The following TEX11 variants were observed in gnomAD, a reference collection of about 807,000 sequenced individuals.
The protein encoded by TEX11 is testis expressed 11, also known as testis-expressed protein 11.
Under a neutral mutation model 84.4 loss-of-function variants are expected in TEX11, and 7 were observed. The ratio of observed to expected loss-of-function variants is 0.08; its 90% CI spans 0.05 to 0.16. The LOEUF (loss-of-function observed/expected upper bound fraction) is 0.16. Ranked by LOEUF, TEX11 falls within the 10% of genes least tolerant of loss-of-function variation. The pLI is 1.00. For synonymous variants in TEX11, 264 were observed against 222.8 expected (o/e 1.18, Z -1.64); for missense variants, 551 against 660.5 (o/e 0.83, Z 1.82).
intron 25 of TEX11, among the ~76,000 whole-genome samples, chrX:70,567,845 T>G (rs999546046): frequency 8.9e-6 from 1 of 111,778 alleles, no homozygotes; most frequent in Non-Finnish European, 1.9e-5. Flanking sequence ...AATTTTGGAA[T>G]AGGTGTGGTG....
chrX:70,890,649 G>T (rs1353758093), intron 2 of TEX11, among the ~76,000 whole-genome samples: 3 of 112,351 alleles, frequency 2.7e-5, no homozygotes, highest in African/African-American at 9.7e-5. Context: ...GCCTAGCAGG[G>T]GGAGGGGGGT....
intron 24 of TEX11, among the ~76,000 whole-genome samples, chrX:70,593,383 A>G (rs2088961834): frequency 8.9e-6 from 1 of 111,956 alleles, no homozygotes; most frequent in Non-Finnish European, 1.9e-5. Flanking sequence ...AAAGAAGCAA[A>G]CATTAACATC....
intron 20 of TEX11, among the ~76,000 whole-genome samples, chrX:70,618,029 T>A (rs1252294466): frequency 8.9e-6 from 1 of 112,115 alleles, no homozygotes; most frequent in Non-Finnish European, 1.9e-5. Context: ...TTTGGAAGGC[T>A]ACCATCAGAT....
intron 28 of TEX11, among the ~76,000 whole-genome samples, chrX:70,536,731 T>C (rs1034399118): frequency 1.8e-5 from 2 of 112,420 alleles, no homozygotes; most frequent in Non-Finnish European, 3.8e-5. Context: ...CATTTTATAG[T>C]TTTAAAAGTA....
intron 25 of TEX11, among the ~76,000 whole-genome samples, chrX:70,573,836 A>C (rs980557270): frequency 9.0e-6 from 1 of 111,726 alleles, no homozygotes; most frequent in African/African-American, 3.3e-5. Context: ...GTAATATATA[A>C]TACATAAAAA....
chrX:70,821,336 G>A (rs763398932), intron 8 of TEX11, among the ~76,000 whole-genome samples: 4 of 112,001 alleles, frequency 3.6e-5, no homozygotes, highest in African/African-American at 1.3e-4. Context: ...CAAATCTCTT[G>A]TTGAATTGTA....
At chrX:70,720,587 T>A (rs1007486977) in intron 13 of TEX11, among the ~76,000 whole-genome samples, 1 of 110,173 alleles carries the variant, frequency 9.1e-6, no homozygotes, top group African/African-American at 3.3e-5. Flanking sequence ...TGTAAAGTTG[T>A]CATCTGTAAG....
At chrX:70,550,297 G>T (rs917319128) in intron 28 of TEX11, among the ~76,000 whole-genome samples, 3 of 111,955 alleles carry the variant, frequency 2.7e-5, no homozygotes, top group Non-Finnish European at 3.8e-5. Flanking sequence ...ACTACTACAA[G>T]AAAATATTGG....
intron 9 of TEX11, among the ~76,000 whole-genome samples, chrX:70,788,969 TATATAGAGAGAGAGAG>T (rs1286347738): frequency 4.3e-3 from 107 of 24,885 alleles, no homozygotes; most frequent in Middle Eastern, 0.021. Flanking sequence ...TATATATATA[TATATAGAGAGAGAGAG>T]AGAGAGAGAG....
At chrX:70,808,123 A>G (rs2091230767) in intron 8 of TEX11, among the ~76,000 whole-genome samples, 1 of 52,364 alleles carries the variant, frequency 1.9e-5, no homozygotes, top group Non-Finnish European at 5.3e-5. Flanking sequence ...AAAAAAAAAA[A>G]AAAAAAAAAA....
downstream of TEX11, among the ~76,000 whole-genome samples, chrX:70,524,573 GT>G (rs770641354): frequency 8.9e-6 from 1 of 112,423 alleles, no homozygotes; most frequent in East Asian, 2.8e-4. Flanking sequence ...TGTTGTTGTT[GT>G]TTGTTTTTTT....
At chrX:70,901,502 G>T (rs1303557377) in intron 2 of TEX11, among the ~76,000 whole-genome samples, 1 of 111,709 alleles carries the variant, frequency 9.0e-6, no homozygotes, top group African/African-American at 3.2e-5. Flanking sequence ...CACGGATGGT[G>T]GGGGGATGGT....
chrX:70,885,907 AAAAGAAAG>A lies in TEX11; in HGVS notation c.38-5806_38-5799del, dbSNP rs749319210. On this transcript the variant is annotated intron_variant, in intron 2 of 29. Transcript: ENST00000374333. Reference sequence around the variant, plus strand: ...CTGCCACAAAAAAAAAAAAAAAAGAAAAAGAAAGAAAGAAAGAAAGAAAGAAAAAATAA... The same window carrying A: ...CTGCCACAAAAAAAAAAAAAAAAGAAAAAGAAAGAAAGAAAGAAAAAATAA... Among the ~76,000 whole-genome samples the A allele has an allele frequency of 5.6e-5, 6 of 107,717 alleles. No individual in the cohort carries two copies. The South Asian group carries it at 2.0e-3, about 36-fold the overall frequency. The allele number at this position is 107,717 out of a possible 115,157, so 93.5% of individuals were successfully genotyped here.
intron 2 of TEX11, among the ~76,000 whole-genome samples, chrX:70,882,313 G>A (rs1162791955): frequency 7.2e-5 from 8 of 110,608 alleles, no homozygotes; most frequent in Non-Finnish European, 1.3e-4. Context: ...ATAAACTTTC[G>A]TTTGTTTGTT....
intron 9 of TEX11, among the ~76,000 whole-genome samples, chrX:70,757,826 C>T (rs905030108): frequency 9.0e-6 from 1 of 111,487 alleles, no homozygotes; most frequent in Admixed American, 9.6e-5. Context: ...CACAGACTGG[C>T]AAATTGGATA....
intron 5 of TEX11, 84 bp from the exon 6 acceptor site, chrX:70,853,412 T>G: frequency 3.2e-6 from 2 of 631,753 alleles, no homozygotes; most frequent in Non-Finnish European, 4.9e-6. Flanking sequence ...AAATATTGAA[T>G]CCTCTGTCCA....
At chrX:70,546,156 A>G (rs2088120999) in intron 28 of TEX11, among the ~76,000 whole-genome samples, 1 of 112,249 alleles carries the variant, frequency 8.9e-6, no homozygotes, top group South Asian at 3.7e-4. Context: ...AAATGTGAAA[A>G]CTGAAGTCAA....
chrX:70,543,298 G>T (rs1218578220), intron 28 of TEX11, among the ~76,000 whole-genome samples: 1 of 112,290 alleles, frequency 8.9e-6, no homozygotes, highest in Non-Finnish European at 1.9e-5. Flanking sequence ...GCAATAAATG[G>T]ATGGGAAACT....
chrX:70,810,155 G>T (rs1177480145), intron 8 of TEX11, among the ~76,000 whole-genome samples: 1 of 111,850 alleles, frequency 8.9e-6, no homozygotes, highest in Admixed American at 9.5e-5. Context: ...AGATGCTGGA[G>T]AGGATGTGGA....
Sources: gnomAD v4.1 joint callset for allele counts (sites outside exome capture counted in the v4.1 genomes callset) on GRCh38, gnomAD v4.1.1 for gene constraint, MANE v1.5 for transcripts, NCBI Gene and HGNC (gene_info 2026-07-23, HGNC 2026-07-21) for gene names.